ADAM10: variants seen among roughly 807,000 people sequenced by gnomAD.
ADAM10 encodes disintegrin and metalloproteinase domain-containing protein 10.
ADAM10 carries 17 observed loss-of-function variants against 90.1 expected under a neutral mutation model. The observed-to-expected ratio is 0.19, with a 90% CI of 0.13 to 0.28. The LOEUF is 0.28. Ranked by LOEUF, ADAM10 falls within the 10% of genes least tolerant of loss-of-function variation. The pLI, the probability that ADAM10 is intolerant of heterozygous loss-of-function variation, is 1.00. For synonymous variants in ADAM10, 310 were observed against 298.6 expected (o/e 1.04, Z -0.40); for missense variants, 610 against 914.3 (o/e 0.67, Z 4.29).
At chr15:58,668,601 G>A (rs916405199) in intron 4 of ADAM10, among the ~76,000 whole-genome samples, 1 of 149,046 alleles carries the variant, frequency 6.7e-6, no homozygotes, top group Admixed American at 6.8e-5. Context: ...CACCTCCCCA[G>A]GGAAGTCTTC....
intron 3 of ADAM10, among the ~76,000 whole-genome samples, chr15:58,681,616 T>C (rs1308083757): frequency 6.6e-6 from 1 of 152,226 alleles, no homozygotes; most frequent in Non-Finnish European, 1.5e-5. Flanking sequence ...ATGACTTCTA[T>C]AGTTGTTCTG....
At chr15:58,698,796 G>C (rs538869953) in intron 2 of ADAM10, among the ~76,000 whole-genome samples, 9 of 152,120 alleles carry the variant, frequency 5.9e-5, no homozygotes, top group Admixed American at 5.2e-4. Context: ...ATGACATGTA[G>C]ACACTATAAA....
At chr15:58,657,637 T>G (rs1379268412) in intron 5 of ADAM10, among the ~76,000 whole-genome samples, 2 of 152,228 alleles carry the variant, frequency 1.3e-5, no homozygotes, top group African/African-American at 2.4e-5. Flanking sequence ...AAAACAGCTA[T>G]TTTTAATTCT....
At chr15:58,693,100 T>A in intron 2 of ADAM10, 1 of 743,686 alleles carries the variant, frequency 1.3e-6, no homozygotes, top group Non-Finnish European at 2.5e-6. Flanking sequence ...CTTGTTGGAA[T>A]AGAAGGTATT....
chr15:58,653,368 T>C (rs1896734699), intron 5 of ADAM10, among the ~76,000 whole-genome samples: 1 of 152,142 alleles, frequency 6.6e-6, no homozygotes, highest in South Asian at 2.1e-4. Flanking sequence ...GTACATTACT[T>C]TTATTATGTT....
At chr15:58,725,707 C>T (rs1369227647) in intron 1 of ADAM10, among the ~76,000 whole-genome samples, 1 of 151,750 alleles carries the variant, frequency 6.6e-6, no homozygotes, top group Non-Finnish European at 1.5e-5. Flanking sequence ...AACAGAGGAA[C>T]AAAGATAAAA....
chr15:58,617,436 A>G (rs539587208), intron 11 of ADAM10, among the ~76,000 whole-genome samples: 1 of 152,298 alleles, frequency 6.6e-6, no homozygotes, highest in East Asian at 1.9e-4. Flanking sequence ...AGTAATTAAA[A>G]AAAAGTTTCC....
intron 14 of ADAM10, among the ~76,000 whole-genome samples, chr15:58,608,572 A>G (rs553829367): frequency 1.8e-4 from 27 of 152,322 alleles, no homozygotes; most frequent in African/African-American, 5.5e-4. Context: ...TATAAAATAA[A>G]GGCATGTTCT....
intron 4 of ADAM10, among the ~76,000 whole-genome samples, chr15:58,674,015 G>A (rs1897258587): frequency 1.3e-5 from 2 of 152,034 alleles, no homozygotes; most frequent in African/African-American, 4.8e-5. Context: ...TTACAGGCGT[G>A]AGCCACCATA....
At chr15:58,691,559 AAT>A (rs756302977) in intron 2 of ADAM10, 1 of 524,994 alleles carries the variant, frequency 1.9e-6, no homozygotes, top group Non-Finnish European at 3.7e-6. Flanking sequence ...GTCGCCAGTT[AAT>A]AGAGTCCTCA....
chr15:58,701,014 C>CAAAAAAAAAAAAAAAAA (rs1257060994), intron 2 of ADAM10, among the ~76,000 whole-genome samples: 5 of 44,906 alleles, frequency 1.1e-4, no homozygotes, highest in Non-Finnish European at 3.0e-4. Flanking sequence ...TAAAAAAAAA[C>CAAAAAAAAAAAAAAAAA]AAAAAAACAA....
At chr15:58,606,278 C>G (rs1474660835) in intron 14 of ADAM10, among the ~76,000 whole-genome samples, 3 of 152,156 alleles carry the variant, frequency 2.0e-5, no homozygotes, top group African/African-American at 7.2e-5. Flanking sequence ...CCTTCAAACT[C>G]CCACCACCAC....
chr15:58,597,544 C>A lies in ADAM10; in HGVS notation c.*3G>T. On this transcript the variant is annotated 3_prime_UTR_variant, in exon 16 of 16. Coordinates refer to ENST00000260408, the MANE Select transcript of ADAM10 (RefSeq NM_001110.4). ...CTAGGAAGAACCAAGGCAAAAGCTG[C>A]AGTTAGCGTCTCATGTGTCCCATTT... is the stretch of plus-strand genomic sequence containing the variant. 6.2e-7 allele frequency: 1 copy of A among 1,614,048 alleles called. No individual in the cohort carries two copies. The highest frequency in any genetic ancestry group is 1.1e-5 in the South Asian group (1 of 91,068).
chr15:58,736,763 A>G (rs1899443938), intron 1 of ADAM10, among the ~76,000 whole-genome samples: 1 of 152,106 alleles, frequency 6.6e-6, no homozygotes, highest in African/African-American at 2.4e-5. Flanking sequence ...CAGTATATCG[A>G]AAAAAGCCTC....
chr15:58,737,306 T>G (rs1216686164), intron 1 of ADAM10, among the ~76,000 whole-genome samples: 1 of 152,186 alleles, frequency 6.6e-6, no homozygotes, highest in African/African-American at 2.4e-5. Context: ...TGCGTGTTCT[T>G]TCTGTAAGCT....
intron 1 of ADAM10, among the ~76,000 whole-genome samples, chr15:58,745,177 C>T (rs1899750916): frequency 6.6e-6 from 1 of 152,102 alleles, no homozygotes; most frequent in Admixed American, 6.6e-5. Flanking sequence ...AGCGAGATTC[C>T]ATCTCAAAAA....
chr15:58,638,756 T>A (rs2140683864), intron 8 of ADAM10, among the ~76,000 whole-genome samples: 1 of 151,956 alleles, frequency 6.6e-6, no homozygotes, highest in Non-Finnish European at 1.5e-5. Context: ...ACACTGAGTG[T>A]CCCAAAAACC....
intron 1 of ADAM10, among the ~76,000 whole-genome samples, chr15:58,740,356 C>T (rs540692460): frequency 2.6e-5 from 4 of 151,454 alleles, no homozygotes; most frequent in Non-Finnish European, 5.9e-5. Context: ...CTGCAGTGAG[C>T]CAAGATCGCA....
chr15:58,645,232 A>G (rs749712036), intron 6 of ADAM10, among the ~76,000 whole-genome samples: 3 of 152,224 alleles, frequency 2.0e-5, no homozygotes, highest in Non-Finnish European at 4.4e-5. Context: ...GGCTCATTAT[A>G]AAATTCACGC....
Sources: allele counts gnomAD v4.1 joint callset (sites outside exome capture counted in the v4.1 genomes callset), GRCh38; gene constraint gnomAD v4.1.1; transcripts MANE v1.5; gene names NCBI Gene and HGNC (gene_info 2026-07-23, HGNC 2026-07-21).